Variants in NFU1 observed in about 807,000 individuals in gnomAD.
NFU1 encodes NFU1 iron-sulfur cluster scaffold homolog, mitochondrial.
NFU1 carries 30 observed loss-of-function variants against 32.2 expected under a neutral mutation model. That is an observed-to-expected ratio of 0.93 (90% CI 0.70 to 1.26). NFU1 has a LOEUF of 1.26. Ranked by LOEUF, NFU1 falls within the 50% of genes most tolerant of loss-of-function variation. The pLI is 0.00. For synonymous variants in NFU1, 112 were observed against 104.6 expected, an observed-to-expected ratio of 1.07 and a Z score of -0.43; for missense variants, 306 against 306.6, an observed-to-expected ratio of 1.00 and a Z score of 0.02.
intron 5 of NFU1, among the ~76,000 whole-genome samples, chr2:69,407,671 T>G (rs1424930595): frequency 2.8e-5 from 2 of 72,298 alleles, no homozygotes; most frequent in African/African-American, 8.4e-5. Context: ...CAAGACTCTA[T>G]CTCAAAAAAA....
rs1055527625 is a variant in NFU1 at position 69,396,515 on chromosome 2, G to C, written c.721-225C>G. Among the ~76,000 whole-genome samples the C allele has an allele frequency of 5.9e-5, 9 of 152,164 alleles. No individual in the cohort carries two copies. The East Asian group carries it at 1.7e-3, about 29-fold the overall frequency. On this transcript the variant is annotated intron_variant, in intron 7 of 7. Transcript: ENST00000410022. Reference sequence around the variant, plus strand: ...TCTCTACTGAAAATACAAAAAATTAGCCAGGCGGGCGCCTGTAGTCCCAGC... The same window carrying C: ...TCTCTACTGAAAATACAAAAAATTACCCAGGCGGGCGCCTGTAGTCCCAGC...
intron 6 of NFU1, among the ~76,000 whole-genome samples, chr2:69,404,964 C>T (rs1449705137): frequency 6.6e-6 from 1 of 151,520 alleles, no homozygotes; most frequent in East Asian, 2.0e-4. Flanking sequence ...TATAGGCTTA[C>T]TTGGCTGGGC....
At chr2:69,419,931 TATCA>T (rs1673184586) in intron 3 of NFU1, among the ~76,000 whole-genome samples, 1 of 152,128 alleles carries the variant, frequency 6.6e-6, no homozygotes, top group South Asian at 2.1e-4. Context: ...ATATCTATAC[TATCA>T]ATCATTCATT....
upstream of NFU1, chr2:69,437,757 T>C (rs898215292): frequency 6.6e-6 from 3 of 454,520 alleles, no homozygotes; most frequent in South Asian, 2.0e-5. Flanking sequence ...TTCCAGCCCC[T>C]AAACCTGACC....
At chr2:69,421,562 C>CTTTTTTTTTTTTTT (rs763705011) in intron 3 of NFU1, among the ~76,000 whole-genome samples, 3 of 70,742 alleles carry the variant, frequency 4.2e-5, no homozygotes, top group Non-Finnish European at 7.4e-5. Flanking sequence ...ATCATTTGTG[C>CTTTTTTTTTTTTTT]TTTTTTTTTT....
intron 3 of NFU1, among the ~76,000 whole-genome samples, chr2:69,420,150 C>T (rs913295753): frequency 5.9e-5 from 9 of 152,060 alleles, no homozygotes; most frequent in South Asian, 2.1e-4. Flanking sequence ...GGATTACAGG[C>T]GCCCACCACC....
At chr2:69,431,596 C>T (rs933874910) in intron 2 of NFU1, among the ~76,000 whole-genome samples, 2 of 152,190 alleles carry the variant, frequency 1.3e-5, no homozygotes, top group African/African-American at 4.8e-5. Context: ...CATGAGCCAC[C>T]ACACCCAGTC....
At chr2:69,410,778 T>G (rs1672853842) in intron 5 of NFU1, 1 of 152,068 alleles carries the variant, frequency 6.6e-6, no homozygotes, top group Non-Finnish European at 1.5e-5. Context: ...ATGGGAAAAT[T>G]TGGGGATGAA....
At chr2:69,397,073 CAA>C (rs770570734) in intron 7 of NFU1, among the ~76,000 whole-genome samples, 1 of 111,224 alleles carries the variant, frequency 9.0e-6, no homozygotes, top group Non-Finnish European at 1.9e-5. Flanking sequence ...GACTCCGTCT[CAA>C]AAAAAAAAAA....
intron 4 of NFU1, among the ~76,000 whole-genome samples, chr2:69,416,377 T>A (rs1048341871): frequency 2.0e-5 from 3 of 147,628 alleles, no homozygotes; most frequent in Non-Finnish European, 3.0e-5. Context: ...AGTAATAATA[T>A]TATTATTAAT....
At chr2:69,396,111 C>T, downstream of NFU1, 2 of 719,616 alleles carry the variant, frequency 2.8e-6, no homozygotes, top group East Asian at 2.6e-5. Context: ...GTAAAGCAAA[C>T]ATGCAATATT....
At chr2:69,423,940 C>T (rs572886157) in intron 2 of NFU1, among the ~76,000 whole-genome samples, 11 of 151,610 alleles carry the variant, frequency 7.3e-5, no homozygotes, top group Admixed American at 3.3e-4. Context: ...TTAGGGAGGC[C>T]GAGGCGGGTG....
rs903125559 is a variant in NFU1, at chr2:69,424,358, G to A, written c.167-641C>T. ...GGCTGGAGTGCAGTGGCACAATCAC[G>A]GTTCACTACGACCTCAAATTCCAGG... is the stretch of plus-strand genomic sequence containing the variant. On this transcript the variant is annotated intron_variant, in intron 2 of 7. Coordinates refer to ENST00000410022, the MANE Select transcript of NFU1 (RefSeq NM_001002755.4). Among the ~76,000 whole-genome samples the A allele has an allele frequency of 5.3e-5, 8 of 150,188 alleles. 1 individual carries two copies. In the South Asian group the frequency reaches 6.3e-4, roughly 12 times the overall value.
intron 5 of NFU1, among the ~76,000 whole-genome samples, chr2:69,408,112 A>G (rs899222942): frequency 5.3e-5 from 8 of 152,126 alleles, no homozygotes; most frequent in African/African-American, 1.4e-4. Flanking sequence ...CCTAAATTCT[A>G]CTTCCCCACC....
rs944343314 is a variant in NFU1, at chr2:69,421,813, C to T, written c.302+1769G>A. ...ATCTCCTGACATGATCCGCCCGCCT[C>T]GGCCTCCCAAAGTGCTGGGATTACA... On this transcript the variant is annotated intron_variant, in intron 3 of 7. Coordinates refer to ENST00000410022, the MANE Select transcript of NFU1 (RefSeq NM_001002755.4). 5.4e-4 allele frequency among the ~76,000 whole-genome samples: 82 copies of T among 152,032 alleles called. 1 individual carries two copies. The highest frequency in any genetic ancestry group is 7.2e-4 in the Admixed American group (11 of 15,250).
At chr2:69,423,146 TTGTGTGTGTGTGTGTGTGTG>T (rs1169374450) in intron 3 of NFU1, among the ~76,000 whole-genome samples, 1 of 132,134 alleles carries the variant, frequency 7.6e-6, no homozygotes, top group Admixed American at 7.6e-5. Flanking sequence ...TCAGCTAAAT[TTGTGTGTGTGTGTGTGTGTG>T]TATGTGTGTG....
intron 4 of NFU1, among the ~76,000 whole-genome samples, chr2:69,417,573 G>A (rs977298501): frequency 1.2e-4 from 19 of 152,018 alleles, no homozygotes; most frequent in Admixed American, 7.2e-4. Context: ...GATCGCTTGA[G>A]CCTGGGAGTT....
At chr2:69,436,953 A>G (rs1158526122) in intron 1 of NFU1, among the ~76,000 whole-genome samples, 1 of 152,196 alleles carries the variant, frequency 6.6e-6, no homozygotes, top group Non-Finnish European at 1.5e-5. Flanking sequence ...GAAACGAGAC[A>G]AGGTATTTTC....
intron 5 of NFU1, among the ~76,000 whole-genome samples, chr2:69,407,560 C>G (rs995376629): frequency 2.0e-5 from 3 of 149,246 alleles, no homozygotes; most frequent in African/African-American, 7.4e-5. Context: ...GCCTGTAATC[C>G]CAGCTACTCG....
Sources: gnomAD v4.1 joint callset for allele counts (sites outside exome capture counted in the v4.1 genomes callset) on GRCh38, gnomAD v4.1.1 for gene constraint, MANE v1.5 for transcripts, NCBI Gene and HGNC (gene_info 2026-07-23, HGNC 2026-07-21) for gene names.